CELF2: variants seen among roughly 807,000 people sequenced by gnomAD.
CELF2 encodes the protein CUG triplet repeat RNA-binding protein 2.
A neutral mutation model predicts 62.6 loss-of-function variants in CELF2; 8 were observed. The ratio of observed to expected loss-of-function variants is 0.13; its 90% CI spans 0.07 to 0.23. The LOEUF is 0.23. Ranked by LOEUF, CELF2 falls within the 10% of genes least tolerant of loss-of-function variation. CELF2 has a pLI of 1.00. For synonymous variants in CELF2, 258 were observed against 250.0 expected, an observed-to-expected ratio of 1.03 and a Z score of -0.30; for missense variants, 333 against 671.0, an observed-to-expected ratio of 0.50 and a Z score of 5.56.
intron 9 of CELF2, among the ~76,000 whole-genome samples, chr10:11,291,491 A>G (rs1032451171): frequency 6.6e-6 from 1 of 152,258 alleles, no homozygotes; most frequent in Non-Finnish European, 1.5e-5. Context: ...CATGGTTAAA[A>G]TAAGTGTTTC....
At chr10:10,741,681 G>T in the CELF2 span, among the ~76,000 whole-genome samples, 1 of 152,028 alleles carries the variant, frequency 6.6e-6, no homozygotes, top group East Asian at 1.9e-4. Flanking sequence ...TGTTCAACAG[G>T]CCAGTATGCC....
intron 8 of CELF2, among the ~76,000 whole-genome samples, chr10:11,279,725 C>A (rs1193309219): frequency 6.6e-6 from 1 of 152,066 alleles, no homozygotes; most frequent in Non-Finnish European, 1.5e-5. Flanking sequence ...AATTTTCATG[C>A]CCTTCTCCTT....
chr10:10,813,983 G>A (rs1312664985), intron 1 of CELF2, among the ~76,000 whole-genome samples: 1 of 152,074 alleles, frequency 6.6e-6, no homozygotes, highest in Non-Finnish European at 1.5e-5. Context: ...ATGAGAGAGA[G>A]AGAGCTGGGT....
intron 1 of CELF2, among the ~76,000 whole-genome samples, chr10:11,111,546 G>T (rs1440875725): frequency 2.0e-5 from 3 of 152,170 alleles, no homozygotes; most frequent in Non-Finnish European, 2.9e-5. Flanking sequence ...GAGGATTTAT[G>T]TTTCTTTTTT....
At chr10:10,918,951 G>A (rs528243272) in intron 1 of CELF2, among the ~76,000 whole-genome samples, 168 of 152,014 alleles carry the variant, frequency 1.1e-3, no homozygotes, top group African/African-American at 3.5e-3. Context: ...TTCCCTTCTC[G>A]TTCCAAGAAT....
Position 11,237,891 on chromosome 10 carries a change from G to C in CELF2, c.355-11262G>C, listed in dbSNP as rs954446972. On this transcript the variant is annotated intron_variant, in intron 3 of 12. Coordinates refer to ENST00000633077, the MANE Select transcript of CELF2 (RefSeq NM_001326342.2). The surrounding 1 kb of genome is among the most constrained non-coding windows in gnomAD (Gnocchi z 4.0). ...TGTTTGTCGGTATATGTTATTGAAA[G>C]TAATGGTAAAAACCACAATCACTTT... Among the ~76,000 whole-genome samples, 3 of 152,244 alleles carry C rather than the reference G, an allele frequency of 2.0e-5. No individual in the cohort carries two copies. The highest frequency in any genetic ancestry group is 2.0e-4 in the Admixed American group (3 of 15,284).
At chr10:10,880,847 A>T (rs775457666) in intron 1 of CELF2, among the ~76,000 whole-genome samples, 4 of 152,048 alleles carry the variant, frequency 2.6e-5, no homozygotes, top group African/African-American at 4.8e-5. Context: ...TCTTTGTCTT[A>T]TTTTCTGCTT....
In CELF2 at chr10:11,039,346, C is replaced by A. The variant is rs555948191; in HGVS notation, c.74+21183C>A. Among the ~76,000 whole-genome samples, 2 of 152,314 alleles carry A rather than the reference C, an allele frequency of 1.3e-5. No individual in the cohort carries two copies. Among genetic ancestry groups the A allele is most frequent in the South Asian group, 4.1e-4 (2 of 4,826 alleles). On this transcript the variant is annotated intron_variant, in intron 1 of 12. Coordinates refer to ENST00000633077, the MANE Select transcript of CELF2 (RefSeq NM_001326342.2). The surrounding 1 kb of genome is among the most constrained non-coding windows in gnomAD (Gnocchi z 4.1). ...CCCATGCCAGGATTTGGGATGTAAGCTCATCTCAAATGTAGCCCATCAAAG... is the reference window on the plus strand; with the variant it reads ...CCCATGCCAGGATTTGGGATGTAAGATCATCTCAAATGTAGCCCATCAAAG...
chr10:10,475,733 G>T, the CELF2 span, among the ~76,000 whole-genome samples: 2 of 152,062 alleles, frequency 1.3e-5, no homozygotes, highest in African/African-American at 2.4e-5. Flanking sequence ...TTAACACTTT[G>T]CTCAGGCCTT....
chr10:10,908,214 ATTT>A lies in CELF2; in HGVS notation c.54-11729_54-11727del, dbSNP rs796857171. 9.1e-4 allele frequency among the ~76,000 whole-genome samples: 76 copies of A among 83,734 alleles called. 3 individuals are homozygous for A. The highest frequency in any genetic ancestry group is 3.0e-3 in the African/African-American group (61 of 20,634). The allele number at this position is 83,734 out of a possible 152,430, so 54.9% of individuals were successfully genotyped here. On this transcript the variant is annotated intron_variant, in intron 1 of 13. Transcript: ENST00000636488. ...TCCTTGTCAAAGAATGTATGAGGGG[ATTT>A]TTTTTTTTTTTTTTTTTTTTGAAAC...
the CELF2 span, among the ~76,000 whole-genome samples, chr10:10,588,810 G>A: frequency 9.9e-5 from 15 of 152,134 alleles, no homozygotes; most frequent in East Asian, 7.7e-4. Context: ...CACTCCATTC[G>A]GAAACAGACT....
At chr10:11,284,426 G>A (rs2090382718) in intron 8 of CELF2, among the ~76,000 whole-genome samples, 2 of 150,722 alleles carry the variant, frequency 1.3e-5, no homozygotes, top group East Asian at 2.0e-4. Flanking sequence ...TGTGGTAGGT[G>A]GATGATGGAT....
At chr10:10,607,818 T>C in the CELF2 span, among the ~76,000 whole-genome samples, 208 of 152,282 alleles carry the variant, frequency 1.4e-3, 1 homozygote, top group African/African-American at 4.7e-3. Context: ...AGGCTGGGCA[T>C]GGTGGCTCAG....
At chr10:11,116,359 T>G (rs1422860056) in intron 1 of CELF2, among the ~76,000 whole-genome samples, 2 of 152,234 alleles carry the variant, frequency 1.3e-5, no homozygotes, top group Admixed American at 6.5e-5. Flanking sequence ...AATCTGTGCA[T>G]GTTTACAAAC....
At chr10:10,903,916 C>T in intron 1 of CELF2, among the ~76,000 whole-genome samples, 1 of 152,210 alleles carries the variant, frequency 6.6e-6, no homozygotes, top group East Asian at 1.9e-4. Context: ...AAACGACTCA[C>T]TGATGTGGCT....
At position 11,165,135 on chromosome 10, in the gene CELF2, G is replaced by A; in HGVS notation, c.75-351G>A. The A allele has an allele frequency of 9.4e-7, 1 of 1,065,132 alleles. No individual in the cohort carries two copies. The highest frequency in any genetic ancestry group is 4.3e-4 in the Middle Eastern group (1 of 2,310). 66.0% of individuals were successfully genotyped at this position (1,065,132 alleles called of 1,614,324 possible). A position where few individuals can be genotyped will look rare whatever the true frequency, so the allele number is the denominator to read the frequency against. On this transcript the variant is annotated intron_variant, in intron 1 of 12. Transcript: ENST00000633077. The surrounding 1 kb of genome is among the most constrained non-coding windows in gnomAD (Gnocchi z 7.4). Reference sequence around the variant, plus strand: ...CCACAGCCAGGGTAGGGCTGATAAGGCGCTGATGCGTTGATGGCAGCCTTG... The same window carrying A: ...CCACAGCCAGGGTAGGGCTGATAAGACGCTGATGCGTTGATGGCAGCCTTG...
At chr10:11,155,781 C>T (rs1282457196) in intron 1 of CELF2, among the ~76,000 whole-genome samples, 2 of 152,206 alleles carry the variant, frequency 1.3e-5, no homozygotes, top group African/African-American at 2.4e-5. Flanking sequence ...TGGAAGGAGA[C>T]AGTGGCGTCC....
In CELF2 at chr10:10,995,018, C is replaced by T. The variant is rs575270681; in HGVS notation, c.89+75019C>T. On this transcript the variant is annotated intron_variant, in intron 2 of 13. Transcript: ENST00000636488. This position sits in a 1 kb window ranked among gnomAD's most constrained non-coding sequence, Gnocchi z 4.7. ...GTCTCCCTGGTGATTCCAGCGCGCT[C>T]TTATCACCTGCCCTTCCTTGGAGCT... is the stretch of plus-strand genomic sequence containing the variant. Among the ~76,000 whole-genome samples the T allele has an allele frequency of 6.0e-3, 907 of 152,286 alleles. 1 individual carries two copies. The highest frequency in any genetic ancestry group is 0.01 in the Non-Finnish European group (709 of 68,016).
intron 2 of CELF2, among the ~76,000 whole-genome samples, chr10:10,982,941 A>G (rs2052317717): frequency 1.3e-5 from 2 of 150,924 alleles, no homozygotes; most frequent in Admixed American, 6.6e-5. Context: ...TTCTAAGACT[A>G]CTGTGCTTTT....
Sources: allele counts gnomAD v4.1 joint callset (sites outside exome capture counted in the v4.1 genomes callset), GRCh38; gene constraint gnomAD v4.1.1; non-coding constraint Gnocchi (gnomAD v3.1); transcripts MANE v1.5; gene names NCBI Gene and HGNC (gene_info 2026-07-23, HGNC 2026-07-21).